The following CPN1 variants were observed in gnomAD, a reference collection of about 807,000 sequenced individuals.
The protein encoded by CPN1 is carboxypeptidase N subunit 1.
Under a neutral mutation model 46.4 loss-of-function variants are expected in CPN1, and 37 were observed. The ratio of observed to expected loss-of-function variants is 0.80; its 90% CI spans 0.61 to 1.05. The LOEUF is 1.05. Among genes scored for constraint, CPN1 ranks in the 50% least tolerant of loss-of-function variants. The pLI is 0.00. For missense variants in CPN1, 563 were observed against 602.6 expected (o/e 0.93, Z 0.69); for synonymous variants, 224 against 235.4 (o/e 0.95, Z 0.44).
rs2041472946 is a variant in CPN1, at chr10:100,069,598, T to C, written c.576+116A>G. On this transcript the variant is annotated intron_variant, in intron 3 of 8. Transcript: ENST00000370418. ...TTGCTCTAGATGGGTTAATACTGAG[T>C]TGAGTTGATGCTTAATTCTTGCTTG... is the stretch of plus-strand genomic sequence containing the variant. 4.9e-6 allele frequency: 6 copies of C among 1,224,424 alleles called. No homozygotes were observed. The Admixed American group carries it at 1.0e-4, about 21-fold the overall frequency. The allele number at this position is 1,224,424 out of a possible 1,614,324, so 75.8% of individuals were successfully genotyped here.
At chr10:100,069,057 A>G (rs1230922497) in intron 3 of CPN1, among the ~76,000 whole-genome samples, 3 of 152,244 alleles carry the variant, frequency 2.0e-5, no homozygotes, top group Non-Finnish European at 4.4e-5. Context: ...ACAGAGATGG[A>G]TAACACTGCT....
chr10:100,054,220 C>G lies in CPN1; in HGVS notation c.1111+127G>C, dbSNP rs902145298. 8 of 725,544 alleles carry G rather than the reference C, an allele frequency of 1.1e-5. No homozygotes were observed. The Admixed American group carries it at 1.4e-4, about 13-fold the overall frequency. 44.9% of individuals were successfully genotyped at this position (725,544 alleles called of 1,614,324 possible). On this transcript the variant is annotated intron_variant, in intron 7 of 8. Coordinates refer to ENST00000370418, the MANE Select transcript of CPN1 (RefSeq NM_001308.3). ...TTTTCATTGCCCTTCTTTCCTCCATCCCCCCCACTCCCAGCATCCTTGACA... is the reference window on the plus strand; with the variant it reads ...TTTTCATTGCCCTTCTTTCCTCCATGCCCCCCACTCCCAGCATCCTTGACA...
intron 4 of CPN1, among the ~76,000 whole-genome samples, chr10:100,063,975 T>C (rs1331786968): frequency 6.6e-6 from 1 of 152,180 alleles, no homozygotes; most frequent in Non-Finnish European, 1.5e-5. Flanking sequence ...AGAGTGTATG[T>C]GTGGTAGACT....
intron 4 of CPN1, among the ~76,000 whole-genome samples, chr10:100,064,254 T>C (rs990035721): frequency 8.6e-5 from 13 of 152,022 alleles, no homozygotes; most frequent in African/African-American, 2.9e-4. Flanking sequence ...TACTATACAG[T>C]GGACAAAGTG....
At chr10:100,079,848 G>C (rs1000097102) in intron 1 of CPN1, among the ~76,000 whole-genome samples, 1 of 152,264 alleles carries the variant, frequency 6.6e-6, no homozygotes, top group African/African-American at 2.4e-5. Flanking sequence ...ACTTTGGGAG[G>C]CCAAGGCGGG....
At chr10:100,051,452 C>T (rs565027065) in intron 7 of CPN1, among the ~76,000 whole-genome samples, 8 of 152,118 alleles carry the variant, frequency 5.3e-5, no homozygotes, top group Non-Finnish European at 1.0e-4. Flanking sequence ...CTAGCTTTCT[C>T]TCTCATCAAC....
chr10:100,058,350 T>A (rs895935276), intron 5 of CPN1, among the ~76,000 whole-genome samples: 3 of 152,186 alleles, frequency 2.0e-5, no homozygotes, highest in Non-Finnish European at 4.4e-5. Flanking sequence ...GATTAATATT[T>A]TGCTTTCACA....
intron 3 of CPN1, among the ~76,000 whole-genome samples, chr10:100,068,449 G>A (rs1486052619): frequency 3.9e-5 from 6 of 151,930 alleles, no homozygotes; most frequent in East Asian, 3.9e-4. Context: ...TCCTGACCTC[G>A]TGATCCGCCC....
At chr10:100,074,138 T>C (rs1219960543) in intron 2 of CPN1, among the ~76,000 whole-genome samples, 4 of 152,148 alleles carry the variant, frequency 2.6e-5, no homozygotes, top group Non-Finnish European at 4.4e-5. Flanking sequence ...AACATATTCA[T>C]AGGTTCTGAG....
At chr10:100,068,067 G>A (rs1239463972) in intron 3 of CPN1, among the ~76,000 whole-genome samples, 22 of 150,232 alleles carry the variant, frequency 1.5e-4, no homozygotes, top group African/African-American at 5.4e-4. Context: ...CAGGAGAATC[G>A]CTTGAACCCA....
chr10:100,066,663 G>A (rs1016735452), intron 3 of CPN1, among the ~76,000 whole-genome samples: 1 of 152,206 alleles, frequency 6.6e-6, no homozygotes, highest in African/African-American at 2.4e-5. Flanking sequence ...ACAGTCTACA[G>A]CATTTTTCCT....
intron 7 of CPN1, among the ~76,000 whole-genome samples, chr10:100,051,730 C>T (rs562869695): frequency 6.6e-6 from 1 of 151,806 alleles, no homozygotes; most frequent in African/African-American, 2.4e-5. Context: ...GGTTTTACCA[C>T]GTAGGCCAGG....
At chr10:100,059,879 A>G (rs1014410067) in intron 5 of CPN1, among the ~76,000 whole-genome samples, 1 of 152,240 alleles carries the variant, frequency 6.6e-6, no homozygotes, top group Non-Finnish European at 1.5e-5. Flanking sequence ...AAAATGTGGT[A>G]TAAACGTATA....
chr10:100,065,213 G>GTGGGGGTGC lies in CPN1; in HGVS notation c.725_733dup (p.Ser242_Pro244dup). 6.2e-7 allele frequency: 1 copy of GTGGGGGTGC among 1,614,000 alleles called. No individual in the cohort carries two copies. Among genetic ancestry groups the GTGGGGGTGC allele is most frequent in the South Asian group, 1.1e-5 (1 of 91,078 alleles). On this transcript the variant is annotated inframe_insertion, in exon 4 of 9. Transcript: ENST00000370418. ...CTTCTGGAAGAGCTTGTCGTCAGGC[G>GTGGGGGTGC]TGGGGGTGCTGGCGGTGCGGCGGAC...
intron 7 of CPN1, among the ~76,000 whole-genome samples, chr10:100,051,622 G>T (rs1042783965): frequency 6.6e-6 from 1 of 152,162 alleles, no homozygotes; most frequent in East Asian, 1.9e-4. Flanking sequence ...CCACCTCCTG[G>T]GTTCAAGCGA....
At chr10:100,049,015 G>A (rs1374384671) in intron 7 of CPN1, 139 bp from the exon 8 acceptor site, 2 of 639,390 alleles carry the variant, frequency 3.1e-6, no homozygotes, top group Non-Finnish European at 2.9e-6. Context: ...CTGGAGTGAA[G>A]TGGTGTGATC....
rs1392443368 is a variant in CPN1, at chr10:100,081,510, T to C, written c.116A>G (p.Gln39Arg). The C allele has an allele frequency of 6.2e-7, 1 of 1,614,074 alleles. No homozygotes were observed. Among genetic ancestry groups the C allele is most frequent in the Non-Finnish European group, 8.5e-7 (1 of 1,180,050 alleles). ...DDLVRTLYKVQNECPGITRVY... is the reference protein window; with the variant it reads ...DDLVRTLYKVRNECPGITRVY... The stretch of plus-strand genomic sequence containing the variant: ...CCGCGTGATGCCGGGGCATTCGTTT[T>C]GCACCTTGTACAGCGTCCGCACAAG... The change falls in exon 1 of 9, where the codon CAA (glutamine) becomes CGA (arginine). Residue 39 changes from glutamine (Q) to arginine (R), a missense_variant. By Grantham distance (43) the Gln-to-Arg change is conservative. Coordinates refer to ENST00000370418, the MANE Select transcript of CPN1 (RefSeq NM_001308.3).
chr10:100,043,091 C>CAA (rs749971720), intron 8 of CPN1, among the ~76,000 whole-genome samples: 25 of 57,558 alleles, frequency 4.3e-4, no homozygotes, highest in African/African-American at 8.8e-4. Context: ...GACTCCATCT[C>CAA]AAAAAAAAAA....
At chr10:100,043,376 C>CA (rs2133421893) in intron 8 of CPN1, among the ~76,000 whole-genome samples, 1 of 149,458 alleles carries the variant, frequency 6.7e-6, no homozygotes, top group African/African-American at 2.5e-5. Flanking sequence ...GCCTGGGTGA[C>CA]AGAGTGAGAT....
Sources: allele counts gnomAD v4.1 joint callset (sites outside exome capture counted in the v4.1 genomes callset), GRCh38; gene constraint gnomAD v4.1.1; transcripts MANE v1.5; gene names NCBI Gene and HGNC (gene_info 2026-07-23, HGNC 2026-07-21).